Variants in MEIS2 observed in about 807,000 individuals in gnomAD.
MEIS2 encodes Meis homeobox 2, also known as homeobox protein Meis2.
Under a neutral mutation model 58.6 loss-of-function variants are expected in MEIS2, and 9 were observed. That is an observed-to-expected ratio of 0.15 (90% CI 0.09 to 0.27). The LOEUF (loss-of-function observed/expected upper bound fraction) is 0.27, where lower values mean the gene tolerates loss of function less well. MEIS2 is among the 10% of genes least tolerant of loss of function. The pLI is 1.00. For missense variants in MEIS2, 427 were observed against 635.0 expected, an observed-to-expected ratio of 0.67 and a Z score of 3.52; for synonymous variants, 221 against 228.4, an observed-to-expected ratio of 0.97 and a Z score of 0.29.
chr15:36,892,381 G>C lies in MEIS2; in HGVS notation c.1226C>G (p.Pro409Arg). Residue 409 changes from proline (P) to arginine (R), a missense_variant, in exon 12 of 12, where the codon CCT becomes CGT. Around this residue, in one of 6 missense-constraint regions of MEIS2, gnomAD observed 154 missense variants for 148.1 expected, o/e 1.04. Transcript: ENST00000561208. The stretch of plus-strand genomic sequence containing the variant: ...AGTAGGGTGTGGGGTCATCTGGGGA[G>C]GAGTGTAACTTGGCTGTGCCATACT... ...GMSMAQPSYT[P>R]PQMTPHPTQL... The C allele has an allele frequency of 6.2e-7, 1 of 1,613,960 alleles. No individual in the cohort carries two copies. The highest frequency in any genetic ancestry group is 8.5e-7 in the Non-Finnish European group (1 of 1,179,934).
chr15:37,051,026 A>G (rs1029498230), intron 7 of MEIS2: 1 of 152,180 alleles, frequency 6.6e-6, no homozygotes, highest in East Asian at 1.9e-4. Context: ...AAAATTACAT[A>G]TACCTGACAG....
At chr15:36,943,499 A>G (rs936340760) in intron 9 of MEIS2, among the ~76,000 whole-genome samples, 1 of 152,160 alleles carries the variant, frequency 6.6e-6, no homozygotes, top group East Asian at 1.9e-4. Flanking sequence ...TCTGCAAAAA[A>G]TGGTTACTTT....
chr15:36,981,284 C>T (rs1454193598), intron 8 of MEIS2, among the ~76,000 whole-genome samples: 2 of 151,970 alleles, frequency 1.3e-5, no homozygotes, highest in Non-Finnish European at 2.9e-5. Context: ...CTAATAAACT[C>T]ATTGTTTTGA....
At chr15:37,002,426 A>G (rs768628594) in intron 8 of MEIS2, among the ~76,000 whole-genome samples, 6 of 152,032 alleles carry the variant, frequency 3.9e-5, no homozygotes, top group Non-Finnish European at 8.8e-5. Context: ...TTTACTTTTA[A>G]TTTATGTTAC....
At chr15:37,037,110 T>A (rs893208639) in intron 7 of MEIS2, 151 bp from the exon 8 acceptor site, 1 of 762,674 alleles carries the variant, frequency 1.3e-6, no homozygotes, top group African/African-American at 1.8e-5. Flanking sequence ...GACACAAATA[T>A]GTAAAAGACA....
Position 37,100,305 on chromosome 15 carries a change from C to G in MEIS2, c.-839G>C, listed in dbSNP as rs1205242525. The G allele has an allele frequency of 6.6e-6, 1 of 151,642 alleles. No homozygotes were observed. Among genetic ancestry groups the G allele is most frequent in the African/African-American group, 2.5e-5 (1 of 40,740 alleles). 9.4% of individuals were successfully genotyped at this position (151,642 alleles called of 1,614,324 possible). On this transcript the variant is annotated 5_prime_UTR_variant, in exon 1 of 12. Transcript: ENST00000561208. The stretch of plus-strand genomic sequence containing the variant: ...TCGCGCTCGCTCTCTCGCGCTCGCT[C>G]TCTCTCGCTCTCTTTCTCTCTCTGG...
At chr15:37,067,377 C>T (rs917817043) in intron 7 of MEIS2, among the ~76,000 whole-genome samples, 2 of 152,008 alleles carry the variant, frequency 1.3e-5, no homozygotes, top group Admixed American at 6.6e-5. Flanking sequence ...CCACCAAATT[C>T]CTTTACAAGG....
At chr15:36,986,331 A>G (rs924783948) in intron 8 of MEIS2, among the ~76,000 whole-genome samples, 2 of 152,204 alleles carry the variant, frequency 1.3e-5, no homozygotes, top group Non-Finnish European at 2.9e-5. Flanking sequence ...AAACTGGGAT[A>G]CTACAAACTG....
At chr15:36,968,909 A>T (rs1380676957) in intron 8 of MEIS2, among the ~76,000 whole-genome samples, 2 of 152,242 alleles carry the variant, frequency 1.3e-5, no homozygotes, top group African/African-American at 4.8e-5. Context: ...GGATCTCAGT[A>T]AAAAAGTATC....
chr15:37,084,535 T>G (rs1892645715), intron 6 of MEIS2, among the ~76,000 whole-genome samples: 1 of 151,926 alleles, frequency 6.6e-6, no homozygotes, highest in South Asian at 2.1e-4. Context: ...AGAAATAATT[T>G]AAAAAAAGGA....
chr15:36,904,761 T>C lies in MEIS2; in HGVS notation c.978-8075A>G, dbSNP rs145626773. 9.0e-3 allele frequency among the ~76,000 whole-genome samples: 1,376 copies of C among 152,246 alleles called. 12 individuals are homozygous for C. The highest frequency in any genetic ancestry group is 0.017 in the Middle Eastern group (5 of 294). On this transcript the variant is annotated intron_variant, in intron 9 of 11. Transcript: ENST00000561208. ...GCTTTAGCAAATGCATTATCAAAGATGCTATAATGTTGATTTCATTACCAC... is the reference window on the plus strand; with the variant it reads ...GCTTTAGCAAATGCATTATCAAAGACGCTATAATGTTGATTTCATTACCAC...
At chr15:36,909,205 A>C (rs1377199673) in intron 9 of MEIS2, among the ~76,000 whole-genome samples, 2 of 152,082 alleles carry the variant, frequency 1.3e-5, no homozygotes, top group African/African-American at 4.8e-5. Flanking sequence ...CTGGTTCCAA[A>C]GTCTGATTAA....
chr15:36,970,417 A>AG (rs1555437773), intron 8 of MEIS2, among the ~76,000 whole-genome samples: 43 of 151,682 alleles, frequency 2.8e-4, no homozygotes, highest in African/African-American at 9.7e-4. Flanking sequence ...AAAAAAAAAA[A>AG]GTGCAAACAT....
chr15:36,991,593 T>G (rs193048433), intron 8 of MEIS2, among the ~76,000 whole-genome samples: 7 of 152,230 alleles, frequency 4.6e-5, no homozygotes, highest in Admixed American at 3.9e-4. Context: ...TGCTTTGATC[T>G]AGGCATACTT....
chr15:37,099,059 C>G (rs886694215), intron 1 of MEIS2: 22 of 984,490 alleles, frequency 2.2e-5, no homozygotes, highest in Non-Finnish European at 2.4e-5. Flanking sequence ...GTGCCCGCCC[C>G]GAGCCGCGCG....
intron 7 of MEIS2, among the ~76,000 whole-genome samples, chr15:37,082,078 T>C (rs1892289453): frequency 6.6e-6 from 1 of 152,160 alleles, no homozygotes; most frequent in Non-Finnish European, 1.5e-5. Context: ...AACCAGTCAG[T>C]TTTAAATTTC....
intron 8 of MEIS2, among the ~76,000 whole-genome samples, chr15:36,964,953 A>T (rs1272329617): frequency 6.6e-6 from 1 of 152,170 alleles, no homozygotes; most frequent in African/African-American, 2.4e-5. Flanking sequence ...CATTTTTCTA[A>T]TATTAGCTGC....
Position 36,979,467 on chromosome 15 carries a change from A to G in MEIS2, c.901-29067T>C, listed in dbSNP as rs1442682437. 2.0e-5 allele frequency among the ~76,000 whole-genome samples: 3 copies of G among 152,152 alleles called. No homozygotes were observed. In the East Asian group the frequency reaches 5.8e-4, roughly 29 times the overall value. On this transcript the variant is annotated intron_variant, in intron 8 of 11. Transcript: ENST00000561208. Reference sequence around the variant, plus strand: ...AACATTGGTGCTTTGGCGTTTGCCAATATGATAGGTGAAAATGACATCGTA... The same window carrying G: ...AACATTGGTGCTTTGGCGTTTGCCAGTATGATAGGTGAAAATGACATCGTA...
chr15:36,933,659 G>C (rs1438250336), intron 9 of MEIS2, among the ~76,000 whole-genome samples: 1 of 152,066 alleles, frequency 6.6e-6, no homozygotes, highest in Non-Finnish European at 1.5e-5. Context: ...TTATTCAGAA[G>C]GGATTAACAG....
Sources: allele counts gnomAD v4.1 joint callset (sites outside exome capture counted in the v4.1 genomes callset), GRCh38; gene constraint gnomAD v4.1.1; regional missense constraint gnomAD v4.1.1; transcripts MANE v1.5; gene names NCBI Gene and HGNC (gene_info 2026-07-23, HGNC 2026-07-21).